The following RTL4 variants were observed in gnomAD, a reference collection of about 807,000 sequenced individuals.
RTL4 encodes the protein retrotransposon Gag like 4.
Under a neutral mutation model 5.3 loss-of-function variants are expected in RTL4, and 4 were observed. That is an observed-to-expected ratio of 0.75 (90% CI 0.37 to 1.72). The LOEUF (loss-of-function observed/expected upper bound fraction) is 1.72, where lower values mean the gene tolerates loss of function less well. Among genes scored for constraint, RTL4 ranks in the 40% most tolerant of loss-of-function variants. RTL4 has a pLI of 0.04. For synonymous variants in RTL4, 98 were observed against 87.3 expected (o/e 1.12, Z -0.68); for missense variants, 260 against 227.1 (o/e 1.14, Z -0.93).
At chrX:112,418,949 G>A in the RTL4 span, among the ~76,000 whole-genome samples, 33 of 106,959 alleles carry the variant, frequency 3.1e-4, no homozygotes, top group South Asian at 0.014. Flanking sequence ...AAGGACAATG[G>A]TATTTATCTT....
At chrX:112,350,735 C>T in the RTL4 span, among the ~76,000 whole-genome samples, 3 of 110,645 alleles carry the variant, frequency 2.7e-5, no homozygotes, top group South Asian at 3.8e-4. Context: ...TTTTTTATTG[C>T]GTCTATGTGA....
At chrX:112,403,489 A>G in the RTL4 span, among the ~76,000 whole-genome samples, 2 of 111,852 alleles carry the variant, frequency 1.8e-5, no homozygotes, top group African/African-American at 6.5e-5. Context: ...CTAACTGGCT[A>G]TTTGACTTTG....
the RTL4 span, among the ~76,000 whole-genome samples, chrX:112,170,411 CCTCT>C: frequency 8.9e-6 from 1 of 111,915 alleles, no homozygotes; most frequent in Admixed American, 9.5e-5. Context: ...TTGTTTGTGT[CCTCT>C]CTGATTTCCT....
chrX:112,220,391 G>T, the RTL4 span, among the ~76,000 whole-genome samples: 1 of 112,734 alleles, frequency 8.9e-6, no homozygotes, highest in African/African-American at 3.2e-5. Flanking sequence ...TCCCAAGGCT[G>T]CACACAGTAG....
chrX:112,428,535 A>T, the RTL4 span, among the ~76,000 whole-genome samples: 2 of 111,587 alleles, frequency 1.8e-5, no homozygotes, highest in African/African-American at 6.5e-5. Context: ...CATGATTTCC[A>T]TAACTTTAAA....
chrX:112,252,360 C>G, the RTL4 span, among the ~76,000 whole-genome samples: 2 of 111,804 alleles, frequency 1.8e-5, no homozygotes, highest in Non-Finnish European at 3.8e-5. Context: ...ACTTTCAATG[C>G]CAGGTTGATT....
chrX:112,329,602 C>T, the RTL4 span, among the ~76,000 whole-genome samples: 107 of 110,436 alleles, frequency 9.7e-4, no homozygotes, highest in African/African-American at 3.4e-3. Context: ...TGGTACCATT[C>T]CTTCTGAAAC....
At chrX:112,154,862 T>G in the RTL4 span, among the ~76,000 whole-genome samples, 1 of 111,729 alleles carries the variant, frequency 9.0e-6, no homozygotes, top group East Asian at 2.8e-4. Flanking sequence ...GGTCTGAATG[T>G]CCTCCAAAAT....
At chrX:112,342,271 G>A in the RTL4 span, among the ~76,000 whole-genome samples, 1 of 111,434 alleles carries the variant, frequency 9.0e-6, no homozygotes, top group South Asian at 3.8e-4. Flanking sequence ...AACTCTGGAT[G>A]CATATTAGAA....
chrX:112,373,808 C>T, the RTL4 span, among the ~76,000 whole-genome samples: 1 of 110,497 alleles, frequency 9.1e-6, no homozygotes, highest in Non-Finnish European at 1.9e-5. Flanking sequence ...TTCAGGCCAA[C>T]AATGGTCTAC....
At chrX:112,277,765 G>T in the RTL4 span, among the ~76,000 whole-genome samples, 2 of 112,137 alleles carry the variant, frequency 1.8e-5, no homozygotes, top group Non-Finnish European at 3.8e-5. Context: ...ATTCTCTAGA[G>T]ATGGTAAAAC....
the RTL4 span, among the ~76,000 whole-genome samples, chrX:112,154,956 G>A: frequency 9.0e-6 from 1 of 110,664 alleles, no homozygotes; most frequent in Non-Finnish European, 1.9e-5. Context: ...TATAAAAGAG[G>A]CTTCACACAG....
chrX:112,382,727 G>C, the RTL4 span, among the ~76,000 whole-genome samples: 8 of 111,832 alleles, frequency 7.2e-5, no homozygotes, highest in East Asian at 1.7e-3. Context: ...TCGTGAGTTT[G>C]TGCCAGTGAC....
the RTL4 span, chrX:112,382,085 C>A: frequency 3.3e-6 from 4 of 1,207,800 alleles, no homozygotes; most frequent in Non-Finnish European, 3.4e-6. Flanking sequence ...GCAGCTGCAG[C>A]AGGAACAGTG....
At chrX:112,344,210 A>G in the RTL4 span, among the ~76,000 whole-genome samples, 1 of 110,074 alleles carries the variant, frequency 9.1e-6, no homozygotes, top group Non-Finnish European at 1.9e-5. Flanking sequence ...CAGTTAATCC[A>G]CATTCCACAA....
chrX:112,084,778 T>C, the RTL4 span, among the ~76,000 whole-genome samples: 1 of 111,323 alleles, frequency 9.0e-6, no homozygotes, highest in African/African-American at 3.3e-5. Context: ...AGCCTTATTC[T>C]TGTGAGCTGT....
chrX:112,120,335 G>A, the RTL4 span, among the ~76,000 whole-genome samples: 2 of 112,142 alleles, frequency 1.8e-5, no homozygotes, highest in Non-Finnish European at 3.8e-5. Flanking sequence ...GTAGTGCAGT[G>A]GCGCTATCTC....
chrX:112,371,529 A>G, the RTL4 span, among the ~76,000 whole-genome samples: 14 of 111,930 alleles, frequency 1.3e-4, no homozygotes, highest in Middle Eastern at 9.3e-3. Context: ...CTGAAGTCTT[A>G]CAAGCAGAAC....
At chrX:112,382,195 G>A in the RTL4 span, 1 of 1,187,766 alleles carries the variant, frequency 8.4e-7, no homozygotes, top group South Asian at 1.9e-5. Flanking sequence ...TCTTCCCCAA[G>A]GCACCAAATC....
Sources: gnomAD v4.1 joint callset for allele counts (sites outside exome capture counted in the v4.1 genomes callset) on GRCh38, gnomAD v4.1.1 for gene constraint, MANE v1.5 for transcripts, NCBI Gene and HGNC (gene_info 2026-07-23, HGNC 2026-07-21) for gene names.